BCAR3: variants seen among roughly 807,000 people sequenced by gnomAD.
The protein encoded by BCAR3 is BCAR3 adaptor protein, NSP family member, also known as breast cancer anti-estrogen resistance protein 3.
A neutral mutation model predicts 80.1 loss-of-function variants in BCAR3; 37 were observed. The observed-to-expected ratio is 0.46, with a 90% CI of 0.36 to 0.61. The LOEUF (loss-of-function observed/expected upper bound fraction) is 0.61. Among genes scored for constraint, BCAR3 ranks in the 20% least tolerant of loss-of-function variants. The pLI, the probability that BCAR3 is intolerant of heterozygous loss-of-function variation, is 0.00. For synonymous variants in BCAR3, 389 were observed against 418.9 expected (o/e 0.93, Z 0.87); for missense variants, 978 against 1,068.2 (o/e 0.92, Z 1.18).
chr1:93,844,915 A>G (rs1163416879), intron 2 of BCAR3, among the ~76,000 whole-genome samples: 1 of 152,080 alleles, frequency 6.6e-6, no homozygotes. Context: ...CAACCTTGAT[A>G]GCTCACAGAA....
chr1:93,680,565 A>C (rs11164963), intron 1 of BCAR3, among the ~76,000 whole-genome samples: 45,860 of 152,088 alleles, frequency 0.3, 10,487 homozygotes, highest in African/African-American at 0.65. Context: ...AGCTCCCAAA[A>C]TGACCTTCCC....
At chr1:93,619,303 G>A (rs578229331) in intron 3 of BCAR3, among the ~76,000 whole-genome samples, 1 of 151,924 alleles carries the variant, frequency 6.6e-6, no homozygotes, top group African/African-American at 2.4e-5. Context: ...GGATGAGGAA[G>A]GGGCTTTACT....
chr1:93,594,134 C>G (rs1236865104), intron 3 of BCAR3, among the ~76,000 whole-genome samples: 1 of 152,230 alleles, frequency 6.6e-6, no homozygotes. Context: ...TCCCACTAGA[C>G]TGTAAGTTTC....
At chr1:93,700,234 C>T (rs1649590817) in intron 3 of BCAR3, among the ~76,000 whole-genome samples, 1 of 152,104 alleles carries the variant, frequency 6.6e-6, no homozygotes. Flanking sequence ...GCCTTGTTGC[C>T]CACGTTGGAG....
intron 2 of BCAR3, among the ~76,000 whole-genome samples, chr1:93,710,662 A>G (rs549578826): frequency 2.0e-5 from 3 of 152,248 alleles, no homozygotes; most frequent in Admixed American, 2.0e-4. Context: ...CTGGTCCTGT[A>G]TTCCCTCCTA....
At chr1:93,583,476 G>A (rs1274936117) in intron 6 of BCAR3, among the ~76,000 whole-genome samples, 1 of 152,024 alleles carries the variant, frequency 6.6e-6, no homozygotes, top group African/African-American at 2.4e-5. Context: ...GGGAAAGTCA[G>A]TTATGAAAAT....
At chr1:93,691,362 A>G (rs1197141365) in intron 3 of BCAR3, among the ~76,000 whole-genome samples, 2 of 152,240 alleles carry the variant, frequency 1.3e-5, no homozygotes, top group Admixed American at 6.5e-5. Flanking sequence ...TGCACTTCAG[A>G]GCTAAATCGA....
In BCAR3 at chr1:93,584,056, G is replaced by T; in HGVS notation, c.995C>A (p.Ser332Tyr). The T allele has an allele frequency of 1.2e-6, 2 of 1,614,144 alleles. No homozygotes were observed. The highest frequency in any genetic ancestry group is 1.7e-6 in the Non-Finnish European group (2 of 1,180,022). Residue 332 changes from serine (S) to tyrosine (Y), a missense_variant, in exon 6 of 12, where the codon TCC (serine) becomes TAC (tyrosine). Physicochemically the swap from Ser to Tyr is moderately radical, Grantham distance 144 (BLOSUM62 -2). Transcript: ENST00000260502. ...LDHMQDRRALSLKAHQSESYL... is the reference protein window; with the variant it reads ...LDHMQDRRALYLKAHQSESYL... Reference sequence around the variant, plus strand: ...GCTCTCTGACTGGTGGGCTTTGAGGGACAAGGCTCTTCTGTCCTGCATGTG... The same window carrying T: ...GCTCTCTGACTGGTGGGCTTTGAGGTACAAGGCTCTTCTGTCCTGCATGTG...
At chr1:93,563,897 T>G (rs932742512) in intron 11 of BCAR3, among the ~76,000 whole-genome samples, 1 of 152,320 alleles carries the variant, frequency 6.6e-6, no homozygotes, top group African/African-American at 2.4e-5. Flanking sequence ...TTTTGCCATG[T>G]TGGCCAGGCT....
chr1:93,816,907 G>A (rs2100812738), intron 2 of BCAR3, among the ~76,000 whole-genome samples: 1 of 152,092 alleles, frequency 6.6e-6, no homozygotes, highest in Admixed American at 6.5e-5. Context: ...GTGCTAACTT[G>A]TATTTTGCTG....
intron 2 of BCAR3, among the ~76,000 whole-genome samples, chr1:93,709,164 A>G (rs974547909): frequency 5.3e-5 from 8 of 152,194 alleles, no homozygotes; most frequent in African/African-American, 1.7e-4. Flanking sequence ...GCTGCAAAAG[A>G]GAAGAACGAG....
intron 2 of BCAR3, among the ~76,000 whole-genome samples, chr1:93,726,077 T>C (rs1650572174): frequency 6.6e-6 from 1 of 152,122 alleles, no homozygotes; most frequent in South Asian, 2.1e-4. Context: ...TTTTGTTTTT[T>C]TGTTTTTGAG....
intron 1 of BCAR3, among the ~76,000 whole-genome samples, chr1:93,678,472 A>G (rs949306514): frequency 9.9e-5 from 15 of 152,212 alleles, no homozygotes; most frequent in African/African-American, 3.4e-4. Flanking sequence ...AATTATGACC[A>G]TAAGTACTGG....
At chr1:93,703,915 A>G (rs886857410) in intron 3 of BCAR3, among the ~76,000 whole-genome samples, 1 of 152,260 alleles carries the variant, frequency 6.6e-6, no homozygotes, top group African/African-American at 2.4e-5. Context: ...CAGCCAGACT[A>G]TCTAATACAG....
At chr1:93,748,375 G>C (rs12132625) in intron 2 of BCAR3, among the ~76,000 whole-genome samples, 17,799 of 152,046 alleles carry the variant, frequency 0.12, 1,464 homozygotes, top group African/African-American at 0.22. Flanking sequence ...TCCTAATTGC[G>C]ATATCCTTTC....
intron 2 of BCAR3, among the ~76,000 whole-genome samples, chr1:93,802,579 C>A (rs1247363724): frequency 6.6e-6 from 1 of 152,144 alleles, no homozygotes; most frequent in Non-Finnish European, 1.5e-5. Flanking sequence ...TTGGGTCAGG[C>A]TTTTCTCTAA....
chr1:93,691,400 C>T (rs1329666602), intron 3 of BCAR3, among the ~76,000 whole-genome samples: 1 of 152,256 alleles, frequency 6.6e-6, no homozygotes, highest in Non-Finnish European at 1.5e-5. Flanking sequence ...CAGACACACC[C>T]CTTCCCTGTG....
intron 3 of BCAR3, among the ~76,000 whole-genome samples, chr1:93,641,761 G>C (rs1292375317): frequency 6.6e-6 from 1 of 152,112 alleles, no homozygotes; most frequent in Non-Finnish European, 1.5e-5. Context: ...TAAAATCTCA[G>C]GGAGCCTTCG....
chr1:93,714,453 G>T (rs1413722409), intron 2 of BCAR3, among the ~76,000 whole-genome samples: 1 of 152,124 alleles, frequency 6.6e-6, no homozygotes, highest in African/African-American at 2.4e-5. Context: ...AATATTCCCT[G>T]AAGGGACACA....
Sources: allele counts gnomAD v4.1 joint callset (sites outside exome capture counted in the v4.1 genomes callset), GRCh38; gene constraint gnomAD v4.1.1; transcripts MANE v1.5; gene names NCBI Gene and HGNC (gene_info 2026-07-23, HGNC 2026-07-21).